TMEM253: variants seen among roughly 807,000 people sequenced by gnomAD.
TMEM253 encodes transmembrane protein C14orf176.
A neutral mutation model predicts 20.3 loss-of-function variants in TMEM253; 22 were observed. The ratio of observed to expected loss-of-function variants is 1.08; its 90% confidence interval spans 0.78 to 1.55. The LOEUF is 1.55. TMEM253 is among the 40% of genes most tolerant of loss of function. The pLI is 0.00. For missense variants in TMEM253, 251 were observed against 266.1 expected (o/e 0.94, Z 0.39); for synonymous variants, 92 against 102.6 (o/e 0.90, Z 0.62).
exon 5 of TMEM253, chr14:21,102,444 T>C (rs1319837147): frequency 6.4e-7 from 1 of 1,551,676 alleles, no homozygotes; most frequent in East Asian, 2.4e-5. Context: ...CAACTTGATC[T>C]TGGGTTTCAT....
upstream of TMEM253, among the ~76,000 whole-genome samples, chr14:21,100,054 C>T (rs1431830728): frequency 1.3e-5 from 2 of 152,110 alleles, no homozygotes; most frequent in African/African-American, 4.8e-5. Context: ...AACTGAGGTG[C>T]GAATAGGTAG....
chr14:21,103,554 A>G (rs1239410091), exon 7 of TMEM253: 7 of 346,000 alleles, frequency 2.0e-5, no homozygotes, highest in Non-Finnish European at 3.7e-5. Context: ...TCATAATCCC[A>G]TCCACTCCAA....
upstream of TMEM253, chr14:21,099,036 C>T (rs551445571): frequency 2.0e-5 from 6 of 292,690 alleles, no homozygotes; most frequent in South Asian, 1.7e-4. Context: ...GCGCCTTCCT[C>T]TCGAATTCTA....
intron 4 of TMEM253, 88 bp downstream of exon 4, chr14:21,102,208 T>C (rs1889685784): frequency 6.8e-6 from 10 of 1,464,128 alleles, no homozygotes; most frequent in Non-Finnish European, 9.2e-6. Flanking sequence ...TGGCTAAGTG[T>C]TGACTCATTC....
chr14:21,098,851 T>G (rs1162010088), upstream of TMEM253: 1 of 1,287,638 alleles, frequency 7.8e-7, no homozygotes, highest in Non-Finnish European at 1.0e-6. Flanking sequence ...TGCCCCAACA[T>G]GCACAGACTC....
chr14:21,101,476 G>C (rs1300800442), intron 2 of TMEM253, 25 bp downstream of exon 2: 1 of 1,542,098 alleles, frequency 6.5e-7, no homozygotes, highest in Admixed American at 2.0e-5. Context: ...CCCCATCCCA[G>C]GTCTCAGCAT....
upstream of TMEM253, chr14:21,101,073 A>G: frequency 3.0e-6 from 1 of 333,912 alleles, no homozygotes; most frequent in South Asian, 3.1e-5. Flanking sequence ...CCCATCCCTG[A>G]CAGCCTTCCT....
chr14:21,102,509 C>T (rs1403967931), exon 5 of TMEM253: 6 of 1,551,632 alleles, frequency 3.9e-6, no homozygotes, highest in Non-Finnish European at 4.4e-6. Context: ...CAACTGCCTC[C>T]TCCCAGGTAC....
exon 6 of TMEM253, chr14:21,102,650 G>A (rs1204973911): frequency 3.2e-6 from 5 of 1,551,534 alleles, no homozygotes; most frequent in Non-Finnish European, 4.4e-6. Context: ...GCTTGCTGGT[G>A]CTGGAACTCA....
chr14:21,103,030 G>C, intron 6 of TMEM253, 109 bp from the exon 7 acceptor site: 1 of 1,521,104 alleles, frequency 6.6e-7, no homozygotes, highest in Non-Finnish European at 8.9e-7. Flanking sequence ...ATATTGGCAG[G>C]ACTATGGGAA....
upstream of TMEM253, chr14:21,098,847 A>G: frequency 7.8e-7 from 1 of 1,287,758 alleles, no homozygotes; most frequent in Non-Finnish European, 1.0e-6. Context: ...TTTCTGCCCC[A>G]ACATGCACAG....
Position 21,102,131 on chromosome 14 carries a change from A to C in TMEM253, c.276+11A>C. ...CCCCGCCTTTGGAAGGTGAGAGGGAAGAAAACGCAGCACTGTCCTCCCACT... is the reference window on the plus strand; with the variant it reads ...CCCCGCCTTTGGAAGGTGAGAGGGACGAAAACGCAGCACTGTCCTCCCACT... On this transcript the variant is annotated intron_variant, in intron 4 of 6. Coordinates refer to ENST00000556585, the Ensembl canonical transcript of TMEM253. The C allele has an allele frequency of 6.5e-7, 1 of 1,549,784 alleles. No individual in the cohort carries two copies. Among genetic ancestry groups the C allele is most frequent in the South Asian group, 1.2e-5 (1 of 83,746 alleles).
intron 6 of TMEM253, 54 bp from the exon 7 acceptor site, chr14:21,103,085 G>C (rs1889749565): frequency 6.4e-7 from 1 of 1,550,944 alleles, no homozygotes; most frequent in South Asian, 1.2e-5. Flanking sequence ...TTTCTGTCTG[G>C]GGTTTCTCCT....
chr14:21,103,171 G>T (rs1428356436), exon 7 of TMEM253: 1 of 1,551,684 alleles, frequency 6.4e-7, no homozygotes, highest in Non-Finnish European at 8.7e-7. Context: ...TTCCTGGTTT[G>T]GAGAATGGTC....
exon 7 of TMEM253, chr14:21,103,165 T>C: frequency 1.3e-6 from 2 of 1,551,716 alleles, no homozygotes; most frequent in Non-Finnish European, 1.7e-6. Flanking sequence ...AAGAGGTTCC[T>C]GGTTTGGAGA....
chr14:21,100,051 G>A (rs979423247), upstream of TMEM253, among the ~76,000 whole-genome samples: 1 of 152,138 alleles, frequency 6.6e-6, no homozygotes, highest in Non-Finnish European at 1.5e-5. Context: ...ATAAACTGAG[G>A]TGCGAATAGG....
chr14:21,102,925 C>A, intron 6 of TMEM253, 146 bp downstream of exon 6: 1 of 1,375,140 alleles, frequency 7.3e-7, no homozygotes, highest in Non-Finnish European at 9.7e-7. Flanking sequence ...CTTTCTCTGG[C>A]TTTGAACATT....
chr14:21,103,172 G>T lies in TMEM253; in HGVS notation c.568G>T (p.Glu190Ter). ...TGAGTTGGAAGAGGTTCCTGGTTTG[G>T]AGAATGGTCCCACGGTGGCCAGCAC... Residue 190 changes from glutamate (E) to a stop codon, truncating the protein, a stop_gained, in exon 7 of 7, where the codon GAG becomes TAG. Transcript: ENST00000556585. LOFTEE classifies it low-confidence loss of function (END_TRUNC). The T allele has an allele frequency of 6.4e-7, 1 of 1,551,688 alleles. No homozygotes were observed. The highest frequency in any genetic ancestry group is 8.7e-7 in the Non-Finnish European group (1 of 1,146,980).
chr14:21,100,988 G>A (rs1448324078), upstream of TMEM253: 1 of 187,448 alleles, frequency 5.3e-6, no homozygotes, highest in Non-Finnish European at 1.1e-5. Context: ...CTTGTGGAGT[G>A]AACTGAGGCC....
Sources: gnomAD v4.1 joint callset for allele counts (sites outside exome capture counted in the v4.1 genomes callset) on GRCh38, gnomAD v4.1.1 for gene constraint, MANE v1.5 for transcripts, NCBI Gene and HGNC (gene_info 2026-07-23, HGNC 2026-07-21) for gene names.